The following SCFD2 variants were observed in gnomAD, a reference collection of about 807,000 sequenced individuals.
SCFD2 encodes sec1 family domain containing 2.
SCFD2 carries 54 observed loss-of-function variants against 58.9 expected under a neutral mutation model. That is an observed-to-expected ratio of 0.92 (90% CI 0.74 to 1.15). The LOEUF is 1.15. SCFD2 is among the 50% of genes most tolerant of loss of function. The pLI, the probability that SCFD2 is intolerant of heterozygous loss-of-function variation, is 0.00. For missense variants in SCFD2, 805 were observed against 836.6 expected (o/e 0.96, Z 0.47); for synonymous variants, 321 against 335.9 (o/e 0.96, Z 0.49).
chr4:53,330,631 C>T (rs1577974255), intron 2 of SCFD2, among the ~76,000 whole-genome samples: 1 of 152,104 alleles, frequency 6.6e-6, no homozygotes, highest in Admixed American at 6.6e-5. Context: ...GTACCAGCCG[C>T]TGCAAAATCA....
At chr4:53,343,638 T>G (rs999526356) in intron 2 of SCFD2, among the ~76,000 whole-genome samples, 1 of 152,048 alleles carries the variant, frequency 6.6e-6, no homozygotes, top group African/African-American at 2.4e-5. Flanking sequence ...AAGCCGGGCA[T>G]AGACACAACC....
intron 4 of SCFD2, among the ~76,000 whole-genome samples, chr4:53,248,589 C>A (rs1401156959): frequency 1.3e-5 from 2 of 152,222 alleles, no homozygotes; most frequent in Non-Finnish European, 2.9e-5. Context: ...AATGGGCAGA[C>A]TGCCTCCTCA....
intron 4 of SCFD2, among the ~76,000 whole-genome samples, chr4:53,233,294 G>C (rs1729496432): frequency 6.6e-6 from 1 of 152,174 alleles, no homozygotes; most frequent in African/African-American, 2.4e-5. Flanking sequence ...CAGGATGGAA[G>C]ATTCAGTTAG....
intron 4 of SCFD2, among the ~76,000 whole-genome samples, chr4:53,148,923 T>A (rs1726421462): frequency 6.6e-6 from 1 of 152,188 alleles, no homozygotes; most frequent in Admixed American, 6.5e-5. Flanking sequence ...GGCAGAAGGA[T>A]CGCTTGAACC....
intron 4 of SCFD2, among the ~76,000 whole-genome samples, chr4:53,249,147 T>C (rs565500815): frequency 6.6e-6 from 1 of 152,206 alleles, no homozygotes; most frequent in South Asian, 2.1e-4. Flanking sequence ...GCTCGAGAAC[T>C]ACGTGAAGAA....
At position 53,039,553 on chromosome 4, in the gene SCFD2, C is replaced by G. The variant is rs1722843004; in HGVS notation, c.1561+105780G>C. Among the ~76,000 whole-genome samples the G allele has an allele frequency of 2.6e-5, 4 of 152,134 alleles. No individual in the cohort carries two copies. The South Asian group carries it at 8.3e-4, about 32-fold the overall frequency. On this transcript the variant is annotated intron_variant, in intron 5 of 8. Transcript: ENST00000401642. ...GGCCAATCTTCTCACCAATTCCTGC[C>G]TTTAAGTGCCAGGCCCTAACCAAAT...
At chr4:52,978,154 G>C (rs1216979455) in intron 5 of SCFD2, among the ~76,000 whole-genome samples, 1 of 152,120 alleles carries the variant, frequency 6.6e-6, no homozygotes, top group Non-Finnish European at 1.5e-5. Flanking sequence ...ATTGTGGAGA[G>C]GGCAGCAGGG....
intron 5 of SCFD2, among the ~76,000 whole-genome samples, chr4:53,131,689 T>C (rs1210968747): frequency 6.6e-6 from 1 of 152,208 alleles, no homozygotes; most frequent in African/African-American, 2.4e-5. Context: ...GACTTGCAGG[T>C]TACACAACTG....
intron 3 of SCFD2, among the ~76,000 whole-genome samples, chr4:53,299,831 C>T (rs1241877524): frequency 6.6e-6 from 1 of 152,174 alleles, no homozygotes; most frequent in Non-Finnish European, 1.5e-5. Flanking sequence ...CCCAGAATTT[C>T]ATATCCAGCC....
At chr4:53,047,995 C>A (rs1466331022) in intron 5 of SCFD2, among the ~76,000 whole-genome samples, 1 of 152,168 alleles carries the variant, frequency 6.6e-6, no homozygotes, top group East Asian at 1.9e-4. Flanking sequence ...CCCAGGCATT[C>A]ACTTACCCAG....
At chr4:53,338,569 A>ATTTTTTTT (rs1454636023) in intron 2 of SCFD2, among the ~76,000 whole-genome samples, 6 of 58,374 alleles carry the variant, frequency 1.0e-4, no homozygotes, top group East Asian at 5.3e-4. Flanking sequence ...AAAGCAGTAT[A>ATTTTTTTT]TTTTTCTTTT....
In SCFD2 at chr4:53,048,615, T is replaced by C. The variant is rs576124709; in HGVS notation, c.1561+96718A>G. Among the ~76,000 whole-genome samples the C allele has an allele frequency of 2.0e-5, 3 of 152,218 alleles. No homozygotes were observed. The South Asian group carries it at 6.2e-4, about 32-fold the overall frequency. ...AATTAGCCATGGGTGGTGGTGCATA[T>C]CTGTGGTCCCAGCTACTAAGTAGGT... is the stretch of plus-strand genomic sequence containing the variant. On this transcript the variant is annotated intron_variant, in intron 5 of 8. Transcript: ENST00000401642.
chr4:53,096,304 C>T (rs1253085558), intron 5 of SCFD2, among the ~76,000 whole-genome samples: 1 of 152,220 alleles, frequency 6.6e-6, no homozygotes, highest in Non-Finnish European at 1.5e-5. Context: ...CTGTCTTCCA[C>T]AATGGTTGAA....
intron 4 of SCFD2, among the ~76,000 whole-genome samples, chr4:53,178,990 T>C (rs1050014484): frequency 1.3e-5 from 2 of 152,148 alleles, no homozygotes; most frequent in Non-Finnish European, 2.9e-5. Context: ...CTAAGAAACA[T>C]GGGACTCTGT....
chr4:52,955,007 C>T (rs1273033308), intron 5 of SCFD2, among the ~76,000 whole-genome samples: 1 of 152,222 alleles, frequency 6.6e-6, no homozygotes. Flanking sequence ...CCGTCTCCCA[C>T]ACAGTACCCC....
intron 1 of SCFD2, among the ~76,000 whole-genome samples, chr4:53,355,654 G>A (rs1734378773): frequency 6.6e-6 from 1 of 151,978 alleles, no homozygotes; most frequent in Admixed American, 6.5e-5. Flanking sequence ...TTATACTTTG[G>A]CTATTATTCT....
intron 5 of SCFD2, among the ~76,000 whole-genome samples, chr4:53,084,225 G>T (rs375245518): frequency 6.6e-6 from 1 of 152,070 alleles, no homozygotes; most frequent in Non-Finnish European, 1.5e-5. Flanking sequence ...CTCCAGGAAC[G>T]CATTCCTTTT....
At chr4:53,253,069 G>T (rs1477218636) in intron 4 of SCFD2, among the ~76,000 whole-genome samples, 1 of 152,158 alleles carries the variant, frequency 6.6e-6, no homozygotes, top group African/African-American at 2.4e-5. Flanking sequence ...CCACCAAAAA[G>T]TGGAAAAAGG....
intron 5 of SCFD2, among the ~76,000 whole-genome samples, chr4:52,964,444 C>G (rs1253221076): frequency 6.6e-6 from 1 of 152,036 alleles, no homozygotes; most frequent in Non-Finnish European, 1.5e-5. Context: ...TTTACTATAC[C>G]AAAAGGGGGT....
Sources: gnomAD v4.1 joint callset for allele counts (sites outside exome capture counted in the v4.1 genomes callset) on GRCh38, gnomAD v4.1.1 for gene constraint, MANE v1.5 for transcripts, NCBI Gene and HGNC (gene_info 2026-07-23, HGNC 2026-07-21) for gene names.